The following FNBP1L variants were observed in gnomAD, a reference collection of about 807,000 sequenced individuals.
FNBP1L encodes formin-binding protein 1-like.
Under a neutral mutation model 91.2 loss-of-function variants are expected in FNBP1L, and 36 were observed. The ratio of observed to expected loss-of-function variants is 0.39; its 90% CI spans 0.30 to 0.52. The LOEUF is 0.52. Ranked by LOEUF, FNBP1L falls within the 20% of genes least tolerant of loss-of-function variation. FNBP1L has a pLI of 0.66. For missense variants in FNBP1L, 571 were observed against 732.1 expected (o/e 0.78, Z 2.54); for synonymous variants, 242 against 237.0 (o/e 1.02, Z -0.19).
intron 1 of FNBP1L, among the ~76,000 whole-genome samples, chr1:93,474,529 G>C (rs184166177): frequency 6.6e-6 from 1 of 152,152 alleles, no homozygotes; most frequent in Non-Finnish European, 1.5e-5. Flanking sequence ...TAGAATAGAC[G>C]TGCCTAGCCT....
In FNBP1L at chr1:93,448,205, G is replaced by A; in HGVS notation, c.-77G>A. Reference sequence around the variant, plus strand: ...CTGAGCTGCTAGCCCGCCGGCCAGCGAGTGAGAGGTCGGACAGACTGTGGA... The same window carrying A: ...CTGAGCTGCTAGCCCGCCGGCCAGCAAGTGAGAGGTCGGACAGACTGTGGA... On this transcript the variant is annotated 5_prime_UTR_variant, in exon 1 of 17. Transcript: ENST00000271234. The A allele has an allele frequency of 2.7e-6, 4 of 1,504,762 alleles. No individual in the cohort carries two copies. Among genetic ancestry groups the A allele is most frequent in the South Asian group, 2.5e-5 (2 of 80,700 alleles). The allele number at this position is 1,504,762 out of a possible 1,614,324, so 93.2% of individuals were successfully genotyped here.
chr1:93,503,985 G>GGAA (rs1209730936), intron 2 of FNBP1L, among the ~76,000 whole-genome samples: 1 of 152,034 alleles, frequency 6.6e-6, no homozygotes, highest in Non-Finnish European at 1.5e-5. Context: ...ATGGTATAGT[G>GGAA]GAAGAGAATT....
Position 93,547,451 on chromosome 1 carries a change from T to G in FNBP1L, c.1502+10T>G, listed in dbSNP as rs1416622432. The G allele has an allele frequency of 1.3e-6, 2 of 1,546,078 alleles. No individual in the cohort carries two copies. The highest frequency in any genetic ancestry group is 1.4e-5 in the African/African-American group (1 of 72,940). The stretch of plus-strand genomic sequence containing the variant: ...CACAGGGACGAGAAAGGTGATTTTT[T>G]GTATTTTATTTGTATTTCTTCTCCC... On this transcript the variant is annotated intron_variant, in intron 14 of 16. Coordinates refer to ENST00000271234, the MANE Select transcript of FNBP1L (RefSeq NM_001164473.3).
At chr1:93,485,986 A>C (rs1439584729) in intron 1 of FNBP1L, among the ~76,000 whole-genome samples, 2 of 152,132 alleles carry the variant, frequency 1.3e-5, no homozygotes, top group Non-Finnish European at 2.9e-5. Flanking sequence ...GCGTGAGCCA[A>C]CGTGTCTGGC....
intron 7 of FNBP1L, among the ~76,000 whole-genome samples, chr1:93,531,895 G>A (rs983758470): frequency 1.3e-5 from 2 of 152,066 alleles, no homozygotes; most frequent in African/African-American, 4.8e-5. Context: ...AAACAGCAAG[G>A]TCAGTGCTGG....
In FNBP1L at chr1:93,549,328, C is replaced by A. The variant is rs1306366896; in HGVS notation, c.1553C>A (p.Pro518His). 1 of 1,612,756 alleles carries A rather than the reference C, an allele frequency of 6.2e-7. No individual in the cohort carries two copies. The highest frequency in any genetic ancestry group is 2.2e-5 in the East Asian group (1 of 44,846). ...DDANQEVRGPPQQHGHHNEFD... is the reference protein window; with the variant it reads ...DDANQEVRGPHQQHGHHNEFD... ...GCAAACCAGGAAGTCCGTGGGCCAC[C>A]CCAGCAGCATGGTCACCACAATGAG... The change falls in exon 15 of 17, where the codon CCC (proline) becomes CAC (histidine). Residue 518 changes from proline to histidine, a missense_variant. This residue lies in a region of FNBP1L where 189 missense variants were observed against 219.7 expected (regional missense o/e 0.86). Coordinates refer to ENST00000271234, the MANE Select transcript of FNBP1L (RefSeq NM_001164473.3).
At chr1:93,552,244 G>T (rs1164034788) in intron 16 of FNBP1L, 165 bp from the exon 17 acceptor site, 1 of 1,415,064 alleles carries the variant, frequency 7.1e-7, no homozygotes, top group Non-Finnish European at 9.2e-7. Context: ...GAAGCAGTAA[G>T]ATTGGTTTTT....
At chr1:93,543,974 T>C in intron 11 of FNBP1L, 133 bp from the exon 12 acceptor site, 2 of 502,658 alleles carry the variant, frequency 4.0e-6, no homozygotes, top group East Asian at 3.4e-5. Context: ...TTTCTTTTTT[T>C]TTTAAGGGGT....
intron 1 of FNBP1L, among the ~76,000 whole-genome samples, chr1:93,486,453 T>A (rs1669907421): frequency 6.6e-6 from 1 of 152,044 alleles, no homozygotes; most frequent in Non-Finnish European, 1.5e-5. Flanking sequence ...AATACTTTTT[T>A]TTTTTTTAAA....
chr1:93,519,971 A>G (rs1332109626), intron 2 of FNBP1L, among the ~76,000 whole-genome samples: 1 of 152,008 alleles, frequency 6.6e-6, no homozygotes, highest in Non-Finnish European at 1.5e-5. Context: ...ATCAGTGGCA[A>G]CTATGGGTTT....
intron 4 of FNBP1L, 89 bp from the exon 5 acceptor site, chr1:93,524,172 T>TA: frequency 1.8e-6 from 2 of 1,093,144 alleles, no homozygotes; most frequent in Non-Finnish European, 1.2e-6. Context: ...TTGGGGACTT[T>TA]AGACTTTAGT....
Position 93,514,439 on chromosome 1 carries a change from A to G in FNBP1L, c.141-7643A>G, listed in dbSNP as rs1329626088. ...CTACTTTAAAGTTCATATGGAACCA[A>G]AAAAGAGCCCACATTGCCAAGTCAA... On this transcript the variant is annotated intron_variant, in intron 2 of 16. Transcript: ENST00000271234. 4.3e-4 allele frequency among the ~76,000 whole-genome samples: 65 copies of G among 151,748 alleles called. 1 individual carries two copies. Among genetic ancestry groups the G allele is most frequent in the Admixed American group, 1.4e-3 (21 of 15,254 alleles).
At chr1:93,521,798 C>A (rs1671336964) in intron 2 of FNBP1L, among the ~76,000 whole-genome samples, 1 of 152,246 alleles carries the variant, frequency 6.6e-6, no homozygotes, top group East Asian at 1.9e-4. Flanking sequence ...TCTATTCTTC[C>A]TCTTAACTAT....
intron 1 of FNBP1L, among the ~76,000 whole-genome samples, chr1:93,482,110 C>T (rs868522379): frequency 2.3e-4 from 35 of 152,028 alleles, no homozygotes; most frequent in African/African-American, 7.0e-4. Flanking sequence ...TGCAGTGAGC[C>T]GTGATCACAT....
intron 2 of FNBP1L, among the ~76,000 whole-genome samples, chr1:93,507,752 G>A (rs898710891): frequency 1.3e-5 from 2 of 152,014 alleles, no homozygotes; most frequent in African/African-American, 4.8e-5. Context: ...AGGTTCAAGC[G>A]ATTCTCCTGC....
chr1:93,493,102 A>G (rs1670149488), intron 1 of FNBP1L, among the ~76,000 whole-genome samples: 1 of 152,112 alleles, frequency 6.6e-6, no homozygotes, highest in Non-Finnish European at 1.5e-5. Context: ...TGTCTCTACT[A>G]AAAATACAAA....
rs1672494754 is a variant in FNBP1L, at chr1:93,553,886, TTTTG to T, written c.*1471_*1474del. The T allele has an allele frequency of 6.6e-6, 1 of 152,580 alleles. No homozygotes were observed. Among genetic ancestry groups the T allele is most frequent in the Non-Finnish European group, 1.5e-5 (1 of 68,018 alleles). 9.5% of individuals were successfully genotyped at this position (152,580 alleles called of 1,614,324 possible). ...TCTTCATTAATTTGGTTCTTTACTG[TTTTG>T]AGGGGAGAAAGAACGTGAAATGGTT... On this transcript the variant is annotated 3_prime_UTR_variant, in exon 17 of 17. Coordinates refer to ENST00000271234, the MANE Select transcript of FNBP1L (RefSeq NM_001164473.3).
intron 11 of FNBP1L, among the ~76,000 whole-genome samples, chr1:93,541,635 G>T (rs1672050324): frequency 6.6e-6 from 1 of 151,934 alleles, no homozygotes; most frequent in Non-Finnish European, 1.5e-5. Flanking sequence ...ATGTTCCTTG[G>T]TATGTTTATT....
chr1:93,509,418 G>A (rs1194405777), intron 2 of FNBP1L, among the ~76,000 whole-genome samples: 1 of 152,156 alleles, frequency 6.6e-6, no homozygotes, highest in Non-Finnish European at 1.5e-5. Flanking sequence ...TGGCCACGTC[G>A]TTCTACCAAA....
Sources: gnomAD v4.1 joint callset for allele counts (sites outside exome capture counted in the v4.1 genomes callset) on GRCh38, gnomAD v4.1.1 for gene constraint, gnomAD v4.1.1 regional missense constraint, MANE v1.5 for transcripts, NCBI Gene and HGNC (gene_info 2026-07-23, HGNC 2026-07-21) for gene names.